Variants in PHYKPL observed in about 807,000 individuals in gnomAD.
PHYKPL encodes the protein 5-phosphonooxy-L-lysine phospho-lyase.
Under a neutral mutation model 51.3 loss-of-function variants are expected in PHYKPL, and 42 were observed. The ratio of observed to expected loss-of-function variants is 0.82; its 90% CI spans 0.64 to 1.06. The LOEUF is 1.06. PHYKPL is among the 50% of genes least tolerant of loss of function. The probability of loss-of-function intolerance (pLI) is 0.00; values close to 1 mark genes in which losing one functional copy is unlikely to be tolerated. For synonymous variants in PHYKPL, 264 were observed against 236.0 expected (o/e 1.12, Z -1.09); for missense variants, 655 against 586.6 (o/e 1.12, Z -1.20).
At position 178,215,336 on chromosome 5, in the gene PHYKPL, C is replaced by T. The variant is rs144733617; in HGVS notation, c.1022G>A (p.Ser341Asn). Residue 341 changes from serine to asparagine, a missense_variant, in exon 9 of 13, where the codon AGC (serine) becomes AAC (asparagine). Transcript: ENST00000308158. ...CTGCCCGAGGAGCTGCATCAGGAAG[C>T]TGCCTACACTGGTGGCATGATCCTG... is the stretch of plus-strand genomic sequence containing the variant. ...QLQDHATSVG[S>N]FLMQLLGQQK... 985 of 1,614,056 alleles carry T rather than the reference C, an allele frequency of 6.1e-4. 5 individuals are homozygous for T. In the African/African-American group the frequency reaches 9.6e-3, roughly 16 times the overall value.
intron 10 of PHYKPL, among the ~76,000 whole-genome samples, chr5:178,213,987 C>A (rs1759204369): frequency 6.6e-6 from 1 of 152,172 alleles, no homozygotes; most frequent in Non-Finnish European, 1.5e-5. Context: ...CCTTCCATGC[C>A]ACCTGACCAT....
intron 12 of PHYKPL, chr5:178,210,776 T>A: frequency 1.5e-6 from 1 of 668,706 alleles, no homozygotes; most frequent in Non-Finnish European, 2.7e-6. Context: ...CACTCTCCTG[T>A]TGACTATTTC....
intron 8 of PHYKPL, among the ~76,000 whole-genome samples, chr5:178,218,216 C>CAAAAAAA (rs777929826): frequency 1.7e-4 from 10 of 58,262 alleles, no homozygotes; most frequent in South Asian, 7.8e-4. Flanking sequence ...AACTCCGTCT[C>CAAAAAAA]AAAAAAAAAA....
chr5:178,210,478 G>C lies in PHYKPL; in HGVS notation c.*31+1412C>G, dbSNP rs1757897345. 2.6e-6 allele frequency: 4 copies of C among 1,513,208 alleles called. No homozygotes were observed. The Admixed American group carries it at 6.8e-5, about 26-fold the overall frequency. 93.7% of individuals were successfully genotyped at this position (1,513,208 alleles called of 1,614,324 possible). ...CTGTCACGGCTGGTGAGGGTCCTGG[G>C]AAGATGCATATCAAGCGCGTGGCAC... On this transcript the variant is annotated intron_variant, in intron 12 of 12. Transcript: ENST00000308158.
At chr5:178,217,944 G>A (rs1323300479) in intron 8 of PHYKPL, among the ~76,000 whole-genome samples, 16 of 151,038 alleles carry the variant, frequency 1.1e-4, no homozygotes, top group Non-Finnish European at 2.1e-4. Context: ...ATGTCTGGGC[G>A]CGGTGGCTCA....
At chr5:178,212,892 CCT>C in intron 11 of PHYKPL, 79 bp downstream of exon 11, 2 of 1,568,572 alleles carry the variant, frequency 1.3e-6, no homozygotes, top group Non-Finnish European at 1.7e-6. Flanking sequence ...TTGTCCCCTC[CCT>C]GTTCCATGCT....
At chr5:178,210,496 C>G (rs553267977) in intron 12 of PHYKPL, 3 of 1,552,848 alleles carry the variant, frequency 1.9e-6, no homozygotes, top group African/African-American at 2.7e-5. Context: ...ATATCAAGCG[C>G]GTGGCACAGG....
chr5:178,224,582 G>A lies in PHYKPL; in HGVS notation c.502-18C>T, dbSNP rs759370459. 52 of 1,613,912 alleles carry A rather than the reference G, an allele frequency of 3.2e-5. No homozygotes were observed. Among genetic ancestry groups the A allele is most frequent in the Middle Eastern group, 1.6e-4 (1 of 6,084 alleles). On this transcript the variant is annotated intron_variant, in intron 5 of 12. Coordinates refer to ENST00000308158, the MANE Select transcript of PHYKPL (RefSeq NM_153373.4). ...AGAGGTGCCTGTGGGGAGTGACAGC[G>A]CCATGTTATCCGGGCTTGGGGACAG...
chr5:178,223,829 T>C, intron 6 of PHYKPL: 2 of 241,538 alleles, frequency 8.3e-6, no homozygotes, highest in Non-Finnish European at 1.7e-5. Context: ...GCGCCTCCAC[T>C]CCATCTCCAC....
At chr5:178,219,702 G>A (rs978201504) in intron 8 of PHYKPL, among the ~76,000 whole-genome samples, 8 of 151,726 alleles carry the variant, frequency 5.3e-5, no homozygotes, top group South Asian at 4.2e-4. Context: ...TGCCCACCTC[G>A]GCTTCCCAAA....
chr5:178,229,899 C>T (rs75990575), intron 3 of PHYKPL, 41 bp downstream of exon 3: 289,730 of 1,597,614 alleles, frequency 0.18, 28,964 homozygotes, highest in Non-Finnish European at 0.21. Flanking sequence ...TCTTTGTTAC[C>T]GTCTCACCCT....
intron 8 of PHYKPL, among the ~76,000 whole-genome samples, chr5:178,219,473 A>G (rs1304990418): frequency 3.4e-5 from 5 of 147,540 alleles, no homozygotes; most frequent in African/African-American, 1.2e-4. Flanking sequence ...TTTTTCTTTG[A>G]GATGGAGTCT....
At chr5:178,220,563 A>C (rs941919244) in intron 8 of PHYKPL, among the ~76,000 whole-genome samples, 1 of 152,202 alleles carries the variant, frequency 6.6e-6, no homozygotes, top group Non-Finnish European at 1.5e-5. Context: ...CTTGTGAACT[A>C]CTTTAGAAAA....
chr5:178,212,934 A>G (rs1182788133), intron 11 of PHYKPL, 39 bp downstream of exon 11: 1 of 1,607,678 alleles, frequency 6.2e-7, no homozygotes. Flanking sequence ...CTTCAGGCTG[A>G]GTTCTAGAGA....
At chr5:178,210,780 C>CTATT (rs959651392) in intron 12 of PHYKPL, 45 of 661,556 alleles carry the variant, frequency 6.8e-5, no homozygotes, top group Admixed American at 5.9e-4. Flanking sequence ...CTCCTGTTGA[C>CTATT]TATTTCCAGA....
rs745378448 is a variant in PHYKPL at position 178,222,370 on chromosome 5, A to G, written c.912T>C (p.Val304=). ...PVARAFEATG[V]EYFNTFGGSP... ...CATCACTCACCGTGTTGAAGTACTCAACGCCGGTGGCTTCAAATGCCCTCG... is the reference window on the plus strand; with the variant it reads ...CATCACTCACCGTGTTGAAGTACTCGACGCCGGTGGCTTCAAATGCCCTCG... The change falls in exon 8 of 13, where the codon GTT becomes GTC. Residue 304 remains valine (V), a synonymous_variant. Coordinates refer to ENST00000308158, the MANE Select transcript of PHYKPL (RefSeq NM_153373.4). The G allele has an allele frequency of 6.2e-7, 1 of 1,612,982 alleles. No individual in the cohort carries two copies.
At chr5:178,218,218 AAAAAAAAAAAAAAAAAAAAAG>A (rs1760336992) in intron 8 of PHYKPL, among the ~76,000 whole-genome samples, 1 of 137,494 alleles carries the variant, frequency 7.3e-6, no homozygotes, top group Admixed American at 7.5e-5. Flanking sequence ...CTCCGTCTCA[AAAAAAAAAAAAAAAAAAAAAG>A]AAAGAAAAGA....
At chr5:178,223,086 G>A (rs1761528225) in intron 6 of PHYKPL, 152 bp from the exon 7 acceptor site, 1 of 767,736 alleles carries the variant, frequency 1.3e-6, no homozygotes, top group African/African-American at 1.7e-5. Flanking sequence ...GAAGGTTTGT[G>A]ACTCAGTTTT....
intron 12 of PHYKPL, 140 bp downstream of exon 12, chr5:178,211,750 A>G: frequency 1.6e-6 from 1 of 622,998 alleles, no homozygotes; most frequent in Non-Finnish European, 2.8e-6. Flanking sequence ...TCCAGTGTTG[A>G]AGAAACTAAC....
Sources: allele counts gnomAD v4.1 joint callset (sites outside exome capture counted in the v4.1 genomes callset), GRCh38; gene constraint gnomAD v4.1.1; transcripts MANE v1.5; gene names NCBI Gene and HGNC (gene_info 2026-07-23, HGNC 2026-07-21).